C1orf94: variants seen among roughly 807,000 people sequenced by gnomAD.
C1orf94 encodes the protein uncharacterized protein C1orf94.
A neutral mutation model predicts 53.6 loss-of-function variants in C1orf94; 45 were observed. The ratio of observed to expected loss-of-function variants is 0.84; its 90% CI spans 0.66 to 1.08. The LOEUF is 1.08. Ranked by LOEUF, C1orf94 falls within the 50% of genes least tolerant of loss-of-function variation. C1orf94 has a pLI of 0.00. For synonymous variants in C1orf94, 304 were observed against 296.1 expected (o/e 1.03, Z -0.27); for missense variants, 762 against 738.9 (o/e 1.03, Z -0.36).
In C1orf94 at chr1:34,194,325, G is replaced by A. The variant is rs145416691; in HGVS notation, c.321-2900G>A. 4.2e-4 allele frequency among the ~76,000 whole-genome samples: 64 copies of A among 152,316 alleles called. No individual in the cohort carries two copies. In the East Asian group the frequency reaches 5.0e-3, roughly 12 times the overall value. ...TGAGGAATACAAGGTGTAGAAGGCAGCTCTTGAGAGGCAGAGCAGGGATTC... is the reference window on the plus strand; with the variant it reads ...TGAGGAATACAAGGTGTAGAAGGCAACTCTTGAGAGGCAGAGCAGGGATTC... On this transcript the variant is annotated intron_variant, in intron 1 of 6. Coordinates refer to ENST00000488417, the MANE Select transcript of C1orf94 (RefSeq NM_001134734.2).
intron 1 of C1orf94, among the ~76,000 whole-genome samples, chr1:34,187,598 A>C (rs1642403054): frequency 6.6e-6 from 1 of 152,020 alleles, no homozygotes; most frequent in African/African-American, 2.4e-5. Context: ...AAAAAAAAAA[A>C]ACACCTCTTC....
chr1:34,216,451 G>C (rs1642990075), intron 6 of C1orf94, among the ~76,000 whole-genome samples: 1 of 152,174 alleles, frequency 6.6e-6, no homozygotes, highest in Non-Finnish European at 1.5e-5. Context: ...AGTGAAGAAA[G>C]TGTTTCCTGA....
intron 4 of C1orf94, among the ~76,000 whole-genome samples, chr1:34,206,274 T>C (rs1642791464): frequency 6.6e-6 from 1 of 152,192 alleles, no homozygotes; most frequent in African/African-American, 2.4e-5. Flanking sequence ...GAGGGGTGGA[T>C]GGCATGGCCC....
At position 34,197,672 on chromosome 1, in the gene C1orf94, C is replaced by T. The variant is rs778881328; in HGVS notation, c.768C>T (p.Asn256=). The T allele has an allele frequency of 3.1e-6, 5 of 1,614,048 alleles. 1 individual carries two copies. In the South Asian group the frequency reaches 4.4e-5, roughly 14 times the overall value. ...KSTETSKVPD[N]KNVLDKTRVT... is the part of the protein sequence containing the mutation. ...CTGAGACATCCAAGGTCCCTGACAA[C>T]AAGAATGTGCTGGACAAGACAAGGG... is the stretch of plus-strand genomic sequence containing the variant. Residue 256 remains asparagine (N), a synonymous_variant, in exon 2 of 7, where the codon AAC becomes AAT. Coordinates refer to ENST00000488417, the MANE Select transcript of C1orf94 (RefSeq NM_001134734.2). The surrounding 1 kb of genome is among the most constrained non-coding windows in gnomAD (Gnocchi z 4.1).
intron 1 of C1orf94, among the ~76,000 whole-genome samples, chr1:34,186,698 T>C (rs976305863): frequency 6.6e-6 from 1 of 152,152 alleles, no homozygotes. Context: ...TAAAATCAGC[T>C]CTCTTCTTGA....
chr1:34,170,224 T>TC (rs1267456338), intron 1 of C1orf94, among the ~76,000 whole-genome samples: 1 of 152,232 alleles, frequency 6.6e-6, no homozygotes, highest in Non-Finnish European at 1.5e-5. Context: ...GAGCTGCATG[T>TC]CAGAGTCTGT....
At chr1:34,178,606 G>T (rs758742044) in intron 1 of C1orf94, among the ~76,000 whole-genome samples, 1 of 152,192 alleles carries the variant, frequency 6.6e-6, no homozygotes, top group South Asian at 2.1e-4. Flanking sequence ...ATATTTACTG[G>T]GAAGGCACTG....
At chr1:34,196,435 G>T (rs1642582024) in intron 1 of C1orf94, among the ~76,000 whole-genome samples, 1 of 152,132 alleles carries the variant, frequency 6.6e-6, no homozygotes, top group Admixed American at 6.5e-5. Context: ...ATGAAGGGAG[G>T]CCCAGTCCAG....
At chr1:34,205,365 T>G (rs1043052592) in intron 4 of C1orf94, among the ~76,000 whole-genome samples, 1 of 152,220 alleles carries the variant, frequency 6.6e-6, no homozygotes, top group African/African-American at 2.4e-5. Flanking sequence ...GATCTCACAA[T>G]GCTGTCCAGC....
At chr1:34,171,421 A>T (rs973879577) in intron 1 of C1orf94, among the ~76,000 whole-genome samples, 2 of 152,068 alleles carry the variant, frequency 1.3e-5, no homozygotes, top group African/African-American at 4.8e-5. Context: ...TACATGGTGA[A>T]CATTCAGGGA....
chr1:34,213,020 A>C (rs1391753962), intron 6 of C1orf94, among the ~76,000 whole-genome samples: 2 of 152,222 alleles, frequency 1.3e-5, no homozygotes, highest in Non-Finnish European at 2.9e-5. Flanking sequence ...CAAATTGTGC[A>C]TGCTGTTGAG....
Position 34,177,636 on chromosome 1 carries a change from A to G in C1orf94, c.-154A>G. 3 of 632,142 alleles carry G rather than the reference A, an allele frequency of 4.7e-6. No individual in the cohort carries two copies. The highest frequency in any genetic ancestry group is 7.9e-6 in the Non-Finnish European group (3 of 378,664). 39.2% of individuals were successfully genotyped at this position (632,142 alleles called of 1,614,324 possible). A position where few individuals can be genotyped will look rare whatever the true frequency, so the allele number is the denominator to read the frequency against. ...GGAAAGAGCAAATAAAAACAAATCAAAATAAGCCCTCCCCTCCCCAAAAGA... is the reference window on the plus strand; with the variant it reads ...GGAAAGAGCAAATAAAAACAAATCAGAATAAGCCCTCCCCTCCCCAAAAGA... On this transcript the variant is annotated 5_prime_UTR_variant, in exon 1 of 7. Transcript: ENST00000488417.
chr1:34,190,706 T>C (rs1164488890), intron 1 of C1orf94, among the ~76,000 whole-genome samples: 1 of 152,228 alleles, frequency 6.6e-6, no homozygotes, highest in Non-Finnish European at 1.5e-5. Context: ...TGGAACGAGA[T>C]TGCCTCAGAT....
chr1:34,204,467 A>T (rs986502202), intron 4 of C1orf94, among the ~76,000 whole-genome samples: 1 of 152,168 alleles, frequency 6.6e-6, no homozygotes, highest in Non-Finnish European at 1.5e-5. Context: ...GTTTCATATT[A>T]GTAGTCTATT....
intron 1 of C1orf94, among the ~76,000 whole-genome samples, chr1:34,185,211 G>T (rs1018162729): frequency 2.6e-5 from 4 of 151,674 alleles, no homozygotes; most frequent in Non-Finnish European, 5.9e-5. Context: ...ATGGAGTCTC[G>T]CTCTGTCACC....
intron 1 of C1orf94, among the ~76,000 whole-genome samples, chr1:34,169,550 A>G (rs1431611609): frequency 6.6e-6 from 1 of 150,872 alleles, no homozygotes; most frequent in Non-Finnish European, 1.5e-5. Flanking sequence ...TGATGCCCTG[A>G]AATTTTCATT....
Position 34,201,029 on chromosome 1 carries a change from A to C in C1orf94, c.1267A>C (p.Lys423Gln). ...AGTGGAAGTGGATGGGCCGGAGCTG[A>C]AATGTGAGCTGACCTACCCAGGGAG... ...NKVEVDGPEL[K>Q]FNAPVTVADK... The change falls in exon 3 of 7, where the codon AAA (lysine) becomes CAA (glutamine). Residue 423 changes from lysine (K) to glutamine (Q), a missense_variant. Lys to Gln is a moderately conservative substitution (Grantham distance 53). Coordinates refer to ENST00000488417, the MANE Select transcript of C1orf94 (RefSeq NM_001134734.2). 6.3e-7 allele frequency: 1 copy of C among 1,586,432 alleles called. No individual in the cohort carries two copies. The highest frequency in any genetic ancestry group is 1.1e-5 in the South Asian group (1 of 87,950).
upstream of C1orf94, among the ~76,000 whole-genome samples, chr1:34,176,570 A>G (rs757795055): frequency 3.3e-5 from 5 of 152,166 alleles, no homozygotes; most frequent in Non-Finnish European, 7.4e-5. Flanking sequence ...CCCTTTTCTC[A>G]GGGGGCCTTG....
chr1:34,167,913 A>G (rs1443968686), intron 1 of C1orf94, among the ~76,000 whole-genome samples: 1 of 152,172 alleles, frequency 6.6e-6, no homozygotes. Context: ...TTACTCAACA[A>G]ATATTTATTG....
Sources: allele counts gnomAD v4.1 joint callset (sites outside exome capture counted in the v4.1 genomes callset), GRCh38; gene constraint gnomAD v4.1.1; non-coding constraint Gnocchi (gnomAD v3.1); transcripts MANE v1.5; gene names NCBI Gene and HGNC (gene_info 2026-07-23, HGNC 2026-07-21).